LDLRAD3: variants seen among roughly 807,000 people sequenced by gnomAD.
The protein encoded by LDLRAD3 is low density lipoprotein receptor class A domain containing 3.
LDLRAD3 carries 20 observed loss-of-function variants against 29.4 expected under a neutral mutation model. The observed-to-expected ratio is 0.68, with a 90% confidence interval of 0.48 to 0.99. The LOEUF is 0.99. Among genes scored for constraint, LDLRAD3 ranks in the 50% least tolerant of loss-of-function variants. The pLI, the probability that LDLRAD3 is intolerant of heterozygous loss-of-function variation, is 0.00. For synonymous variants in LDLRAD3, 157 were observed against 192.7 expected (o/e 0.81, Z 1.53); for missense variants, 420 against 454.3 (o/e 0.92, Z 0.69).
At chr11:36,222,760 G>T (rs768833663) in intron 4 of LDLRAD3, among the ~76,000 whole-genome samples, 3 of 152,100 alleles carry the variant, frequency 2.0e-5, no homozygotes, top group African/African-American at 7.2e-5. Flanking sequence ...GAAGGCTGTC[G>T]TGATAACTAA....
At chr11:36,207,222 G>T (rs960662781) in intron 4 of LDLRAD3, among the ~76,000 whole-genome samples, 2 of 152,132 alleles carry the variant, frequency 1.3e-5, no homozygotes, top group Non-Finnish European at 2.9e-5. Flanking sequence ...TCCTGGGCAC[G>T]TGGACTTCTC....
At chr11:36,115,932 A>G (rs955037679) in intron 4 of LDLRAD3, among the ~76,000 whole-genome samples, 1 of 152,306 alleles carries the variant, frequency 6.6e-6, no homozygotes, top group Non-Finnish European at 1.5e-5. Context: ...TTACCTTAGC[A>G]TGTATATTAA....
chr11:36,103,750 G>A (rs909752564), intron 4 of LDLRAD3, among the ~76,000 whole-genome samples: 8 of 152,282 alleles, frequency 5.3e-5, no homozygotes, highest in South Asian at 4.1e-4. Flanking sequence ...TCTGTAGGCC[G>A]TTTGAAGTTT....
At chr11:36,172,654 C>T (rs767884954) in intron 4 of LDLRAD3, among the ~76,000 whole-genome samples, 1 of 151,968 alleles carries the variant, frequency 6.6e-6, no homozygotes, top group Non-Finnish European at 1.5e-5. Flanking sequence ...ATTAAACCAG[C>T]CCTGCATCCC....
chr11:36,218,578 C>T (rs1473456494), intron 4 of LDLRAD3, among the ~76,000 whole-genome samples: 1 of 152,214 alleles, frequency 6.6e-6, no homozygotes, highest in Non-Finnish European at 1.5e-5. Context: ...TGGAGAAACA[C>T]AGCACAGTAG....
At chr11:35,953,263 G>C (rs1851160396) in intron 1 of LDLRAD3, among the ~76,000 whole-genome samples, 1 of 152,206 alleles carries the variant, frequency 6.6e-6, no homozygotes, top group South Asian at 2.1e-4. Context: ...GCCACGGGGA[G>C]GGAGGGCAGG....
At chr11:36,062,071 GT>G (rs749081841) in intron 2 of LDLRAD3, among the ~76,000 whole-genome samples, 3 of 152,130 alleles carry the variant, frequency 2.0e-5, no homozygotes, top group African/African-American at 4.8e-5. Flanking sequence ...TGTAAGGTCA[GT>G]TTCATCTCCC....
chr11:35,963,009 ATGT>A (rs1341133267), intron 1 of LDLRAD3, among the ~76,000 whole-genome samples: 2 of 152,240 alleles, frequency 1.3e-5, no homozygotes, highest in Non-Finnish European at 2.9e-5. Context: ...AGAGATGTAG[ATGT>A]TAATGGGAGA....
At chr11:36,012,218 C>T (rs1565160750) in intron 1 of LDLRAD3, among the ~76,000 whole-genome samples, 1 of 152,238 alleles carries the variant, frequency 6.6e-6, no homozygotes, top group East Asian at 1.9e-4. Context: ...TCCATGTGTT[C>T]CACCTACAAA....
intron 1 of LDLRAD3, among the ~76,000 whole-genome samples, chr11:35,981,542 A>G (rs1213973914): frequency 6.6e-6 from 1 of 152,172 alleles, no homozygotes. Flanking sequence ...CGCTGATGAA[A>G]AGATTTGTTT....
In LDLRAD3 at chr11:36,029,140, G is replaced by A. The variant is rs181404041; in HGVS notation, c.47-6963G>A. ...CATGCCTGTAATCCCAGCTACTTGG[G>A]AGGCTGAGACAGAAGAATCGCTTGA... On this transcript the variant is annotated intron_variant, in intron 1 of 5. Coordinates refer to ENST00000315571, the MANE Select transcript of LDLRAD3 (RefSeq NM_174902.4). Among the ~76,000 whole-genome samples the A allele has an allele frequency of 4.1e-4, 62 of 152,280 alleles. 1 individual carries two copies. Among genetic ancestry groups the A allele is most frequent in the East Asian group, 3.5e-3 (18 of 5,176 alleles).
intron 4 of LDLRAD3, among the ~76,000 whole-genome samples, chr11:36,206,725 CTTTTT>C (rs33957569): frequency 6.8e-5 from 9 of 133,098 alleles, no homozygotes; most frequent in Admixed American, 2.3e-4. Flanking sequence ...GTTGATTTTA[CTTTTT>C]TTTTTTTTTT....
At chr11:35,973,095 T>C (rs1851435334) in intron 1 of LDLRAD3, among the ~76,000 whole-genome samples, 1 of 151,088 alleles carries the variant, frequency 6.6e-6, no homozygotes, top group Non-Finnish European at 1.5e-5. Context: ...ATGAAAGCTG[T>C]CCTTTTGACC....
intron 4 of LDLRAD3, among the ~76,000 whole-genome samples, chr11:36,121,786 G>A (rs977193441): frequency 1.3e-5 from 2 of 152,218 alleles, no homozygotes; most frequent in African/African-American, 4.8e-5. Context: ...GTTTGGAGTG[G>A]TGATGCTGTG....
chr11:35,946,433 A>G (rs1293818935), intron 1 of LDLRAD3, among the ~76,000 whole-genome samples: 1 of 152,234 alleles, frequency 6.6e-6, no homozygotes, highest in Non-Finnish European at 1.5e-5. Context: ...TTTTTTATTC[A>G]GGAACCTTCT....
chr11:36,159,625 A>AAGT (rs1554969671), intron 4 of LDLRAD3, among the ~76,000 whole-genome samples: 5 of 132,898 alleles, frequency 3.8e-5, no homozygotes, highest in Non-Finnish European at 7.9e-5. Flanking sequence ...AAAAAAAAAA[A>AAGT]AGCCAGATGT....
chr11:36,015,604 G>T (rs1282135061), intron 1 of LDLRAD3, among the ~76,000 whole-genome samples: 1 of 151,926 alleles, frequency 6.6e-6, no homozygotes, highest in African/African-American at 2.4e-5. Context: ...CTTAGCTCAA[G>T]AAGTACAGCA....
intron 1 of LDLRAD3, among the ~76,000 whole-genome samples, chr11:35,966,473 A>G (rs985755491): frequency 1.3e-5 from 2 of 152,236 alleles, no homozygotes; most frequent in Admixed American, 1.3e-4. Flanking sequence ...AAAAATGTGT[A>G]CATAAAAAGG....
chr11:36,024,234 CCCAAGTATATA>C (rs1852134011), intron 1 of LDLRAD3, among the ~76,000 whole-genome samples: 1 of 152,210 alleles, frequency 6.6e-6, no homozygotes, highest in South Asian at 2.1e-4. Flanking sequence ...TTTATTAAAC[CCCAAGTATATA>C]CCACCTGCTC....
Sources: gnomAD v4.1 joint callset for allele counts (sites outside exome capture counted in the v4.1 genomes callset) on GRCh38, gnomAD v4.1.1 for gene constraint, MANE v1.5 for transcripts, NCBI Gene and HGNC (gene_info 2026-07-23, HGNC 2026-07-21) for gene names.